CCNJL: variants seen among roughly 807,000 people sequenced by gnomAD.
CCNJL encodes the protein cyclin J like, also known as cyclin-J-like protein.
Under a neutral mutation model 33.4 loss-of-function variants are expected in CCNJL, and 33 were observed. The observed-to-expected ratio is 0.99, with a 90% CI of 0.75 to 1.32. The LOEUF is 1.32. Among genes scored for constraint, CCNJL ranks in the 40% most tolerant of loss-of-function variants. The pLI is 0.00. For missense variants in CCNJL, 512 were observed against 499.7 expected, an observed-to-expected ratio of 1.02 and a Z score of -0.23; for synonymous variants, 227 against 220.9, an observed-to-expected ratio of 1.03 and a Z score of -0.24.
rs1328287207 is a variant in CCNJL, at chr5:160,268,449, G to C, written c.281-8678C>G. On this transcript the variant is annotated intron_variant, in intron 3 of 5. Transcript: ENST00000257536. Reference sequence around the variant, plus strand: ...GTGGTGAGGGTGACATGATGGCTTAGTGTGCTTAGAACAGCACCCTTTGTA... The same window carrying C: ...GTGGTGAGGGTGACATGATGGCTTACTGTGCTTAGAACAGCACCCTTTGTA... 2.0e-5 allele frequency among the ~76,000 whole-genome samples: 3 copies of C among 152,360 alleles called. No individual in the cohort carries two copies. In the East Asian group the frequency reaches 5.8e-4, roughly 29 times the overall value.
At chr5:160,281,175 G>A (rs367937502) in intron 2 of CCNJL, among the ~76,000 whole-genome samples, 2 of 151,880 alleles carry the variant, frequency 1.3e-5, no homozygotes, top group Non-Finnish European at 1.5e-5. Flanking sequence ...TTTCCTCCTC[G>A]AGAGCTGAGA....
chr5:160,321,078 C>CTTTCTTTCTTTCTTTCTTTCT (rs1763456281), intron 1 of CCNJL, among the ~76,000 whole-genome samples: 1 of 103,972 alleles, frequency 9.6e-6, no homozygotes, highest in African/African-American at 6.3e-5. Context: ...TTCTTTCTTT[C>CTTTCTTTCTTTCTTTCTTTCT]TTTCTTTCTT....
At chr5:160,319,266 T>A (rs1295545276) in intron 1 of CCNJL, among the ~76,000 whole-genome samples, 1 of 152,122 alleles carries the variant, frequency 6.6e-6, no homozygotes, top group East Asian at 1.9e-4. Context: ...CAAGCAAGGG[T>A]CACCTCGCCC....
intron 2 of CCNJL, among the ~76,000 whole-genome samples, chr5:160,311,028 T>C (rs553572482): frequency 6.6e-6 from 1 of 152,308 alleles, no homozygotes; most frequent in East Asian, 1.9e-4. Flanking sequence ...CATTCACTAC[T>C]TCACACCTGT....
chr5:160,306,296 G>A (rs1213973632), intron 2 of CCNJL, among the ~76,000 whole-genome samples: 1 of 148,780 alleles, frequency 6.7e-6, no homozygotes, highest in Non-Finnish European at 1.5e-5. Flanking sequence ...AAAAAAAGCG[G>A]TCTCACAGAG....
chr5:160,287,604 C>G (rs1204708755), intron 2 of CCNJL, among the ~76,000 whole-genome samples: 2 of 152,242 alleles, frequency 1.3e-5, no homozygotes, highest in Non-Finnish European at 2.9e-5. Flanking sequence ...CTGCATTCCT[C>G]CCCAGGCACT....
Position 160,271,644 on chromosome 5 carries a change from T to C in CCNJL, c.280+8881A>G, listed in dbSNP as rs527778568. Among the ~76,000 whole-genome samples, 8 of 152,360 alleles carry C rather than the reference T, an allele frequency of 5.3e-5. No homozygotes were observed. In the South Asian group the frequency reaches 1.2e-3, roughly 24 times the overall value. On this transcript the variant is annotated intron_variant, in intron 3 of 5. Transcript: ENST00000257536. The stretch of plus-strand genomic sequence containing the variant: ...ATTTGCTCAGCATGGCCCTCACTAA[T>C]GTGACAGACCACCTTTTCCAGTTGC...
intron 1 of CCNJL, among the ~76,000 whole-genome samples, chr5:160,333,151 C>A (rs934466383): frequency 6.7e-6 from 1 of 149,454 alleles, no homozygotes; most frequent in African/African-American, 2.5e-5. Flanking sequence ...GAGATGGAGT[C>A]TCGCTCTGTC....
rs866543429 is a variant in CCNJL at position 160,321,040 on chromosome 5, T to C, written n.207-5535A>G. ...TTTCTTTCTTTCTTTCTTTCTTTCTTTCTTTCTTTCTTTCTTTCTTTCTTT... is the reference window on the plus strand; with the variant it reads ...TTTCTTTCTTTCTTTCTTTCTTTCTCTCTTTCTTTCTTTCTTTCTTTCTTT... On this transcript the variant is annotated intron_variant and non_coding_transcript_variant, in intron 1 of 7. Coordinates refer to the CCNJL transcript ENST00000377503. Among the ~76,000 whole-genome samples, 74 of 96,428 alleles carry C rather than the reference T, an allele frequency of 7.7e-4. 3 individuals are homozygous for C. The highest frequency in any genetic ancestry group is 2.2e-3 in the African/African-American group (34 of 15,374). 63.3% of individuals were successfully genotyped at this position (96,428 alleles called of 152,430 possible).
At chr5:160,310,161 C>A (rs1325699123) in intron 2 of CCNJL, among the ~76,000 whole-genome samples, 3 of 152,168 alleles carry the variant, frequency 2.0e-5, no homozygotes, top group Non-Finnish European at 4.4e-5. Flanking sequence ...CTATGATAAA[C>A]AAGGAAGCCC....
At chr5:160,265,754 G>A (rs572168097) in intron 3 of CCNJL, among the ~76,000 whole-genome samples, 1 of 151,996 alleles carries the variant, frequency 6.6e-6, no homozygotes, top group South Asian at 2.1e-4. Flanking sequence ...TACTCAGGAG[G>A]CTGAGGCAGA....
intron 3 of CCNJL, among the ~76,000 whole-genome samples, chr5:160,271,919 T>TG (rs1761848314): frequency 1.3e-5 from 2 of 152,254 alleles, no homozygotes; most frequent in Admixed American, 1.3e-4. Flanking sequence ...TTAAATTATC[T>TG]CCTGCAAGGG....
intron 2 of CCNJL, among the ~76,000 whole-genome samples, chr5:160,281,616 TTCAA>T (rs1230874825): frequency 3.9e-5 from 6 of 152,136 alleles, no homozygotes; most frequent in African/African-American, 9.7e-5. Context: ...ATATTTACCG[TTCAA>T]TCAAAGAAGA....
Position 160,250,779 on chromosome 5 carries a change from C to T in CCNJL, c.*2599G>A, listed in dbSNP as rs1377215253. On this transcript the variant is annotated 3_prime_UTR_variant, in exon 6 of 6. Transcript: ENST00000257536. ...AGTTTTCTAAAAAGTCTTATTAGTG[C>T]ATAAAATAATAGTGCATCTTACAAA... 1 of 152,170 alleles carries T rather than the reference C, an allele frequency of 6.6e-6. No homozygotes were observed. Among genetic ancestry groups the T allele is most frequent in the African/African-American group, 2.4e-5 (1 of 41,444 alleles). The allele number at this position is 152,170 out of a possible 1,614,324, so 9.4% of individuals were successfully genotyped here. A position where few individuals can be genotyped will look rare whatever the true frequency, so the allele number is the denominator to read the frequency against.
At chr5:160,301,871 A>G (rs1184466010) in intron 2 of CCNJL, among the ~76,000 whole-genome samples, 2 of 151,648 alleles carry the variant, frequency 1.3e-5, no homozygotes, top group East Asian at 3.9e-4. Context: ...CTGGGATTAC[A>G]GGCATGTGCC....
intron 1 of CCNJL, among the ~76,000 whole-genome samples, chr5:160,320,762 CTTTT>C (rs1763430145): frequency 6.6e-6 from 1 of 151,380 alleles, no homozygotes; most frequent in Non-Finnish European, 1.5e-5. Flanking sequence ...TTGCCTCTTT[CTTTT>C]CTTTCTTTCT....
At chr5:160,270,524 C>T (rs1238513488) in intron 3 of CCNJL, among the ~76,000 whole-genome samples, 1 of 151,738 alleles carries the variant, frequency 6.6e-6, no homozygotes, top group Non-Finnish European at 1.5e-5. Context: ...GTGCAGGGAG[C>T]CGTGATCATG....
chr5:160,295,373 C>T (rs1343417614), intron 2 of CCNJL, among the ~76,000 whole-genome samples: 1 of 152,112 alleles, frequency 6.6e-6, no homozygotes, highest in African/African-American at 2.4e-5. Flanking sequence ...CCCGTAGTCC[C>T]AGCTACTCGG....
chr5:160,319,430 A>C (rs1666793568), intron 1 of CCNJL, among the ~76,000 whole-genome samples: 1 of 152,200 alleles, frequency 6.6e-6, no homozygotes, highest in Non-Finnish European at 1.5e-5. Flanking sequence ...ACTGTGACAC[A>C]TGTCCAAGCA....
Sources: allele counts gnomAD v4.1 joint callset (sites outside exome capture counted in the v4.1 genomes callset), GRCh38; gene constraint gnomAD v4.1.1; transcripts MANE v1.5; gene names NCBI Gene and HGNC (gene_info 2026-07-23, HGNC 2026-07-21).